The following TERB2 variants were observed in gnomAD, a reference collection of about 807,000 sequenced individuals.
TERB2 encodes telomere repeats-binding bouquet formation protein 2.
TERB2 carries 26 observed loss-of-function variants against 29.8 expected under a neutral mutation model. That is an observed-to-expected ratio of 0.87 (90% CI 0.64 to 1.21). The LOEUF (loss-of-function observed/expected upper bound fraction) is 1.21, where lower values mean the gene tolerates loss of function less well. Among genes scored for constraint, TERB2 ranks in the 50% most tolerant of loss-of-function variants. The pLI is 0.00. For missense variants in TERB2, 240 were observed against 268.6 expected (o/e 0.89, Z 0.74); for synonymous variants, 80 against 90.8 (o/e 0.88, Z 0.68).
At chr15:44,967,647 T>C (rs1891910281) in intron 5 of TERB2, among the ~76,000 whole-genome samples, 1 of 150,344 alleles carries the variant, frequency 6.7e-6, no homozygotes, top group Non-Finnish European at 1.5e-5. Context: ...CTGGTTTGAG[T>C]TCAAGCCTGA....
intron 4 of TERB2, among the ~76,000 whole-genome samples, chr15:44,965,887 T>C (rs1187244770): frequency 6.6e-6 from 1 of 151,752 alleles, no homozygotes; most frequent in Non-Finnish European, 1.5e-5. Context: ...TCAGTTAAAG[T>C]TTTACTTATC....
intron 2 of TERB2, among the ~76,000 whole-genome samples, chr15:44,957,538 T>C (rs775363308): frequency 1.3e-5 from 2 of 152,122 alleles, no homozygotes; most frequent in African/African-American, 4.8e-5. Flanking sequence ...CTCCAAAACT[T>C]TGAATAACTT....
At chr15:44,970,712 TC>T in intron 5 of TERB2, 1 of 171,776 alleles carries the variant, frequency 5.8e-6, no homozygotes. Flanking sequence ...CTTTTCCACC[TC>T]CCAGTTTGAT....
intron 4 of TERB2, among the ~76,000 whole-genome samples, chr15:44,963,645 G>A (rs1240910061): frequency 6.6e-6 from 1 of 151,552 alleles, no homozygotes; most frequent in Non-Finnish European, 1.5e-5. Flanking sequence ...TATATTTTTA[G>A]AAAACACATG....
chr15:44,972,517 CTTT>C (rs5812285), intron 5 of TERB2, among the ~76,000 whole-genome samples: 3 of 133,978 alleles, frequency 2.2e-5, no homozygotes, highest in Non-Finnish European at 1.6e-5. Flanking sequence ...ATCCTTTTAG[CTTT>C]TTTTTTTTTT....
intron 4 of TERB2, among the ~76,000 whole-genome samples, chr15:44,964,386 T>C (rs1455995749): frequency 6.6e-6 from 1 of 152,204 alleles, no homozygotes; most frequent in East Asian, 1.9e-4. Context: ...TACTAAGGAC[T>C]GAAATATCTA....
intron 6 of TERB2, among the ~76,000 whole-genome samples, chr15:44,976,381 T>C (rs1892047771): frequency 6.6e-6 from 1 of 152,176 alleles, no homozygotes; most frequent in African/African-American, 2.4e-5. Flanking sequence ...TGGCAGGTGT[T>C]GGGTCCTTGC....
intron 2 of TERB2, 84 bp from the exon 3 acceptor site, chr15:44,958,289 T>G: frequency 6.9e-7 from 1 of 1,452,248 alleles, no homozygotes; most frequent in Non-Finnish European, 9.2e-7. Context: ...TCTCCCTACT[T>G]CCAGTGATTT....
At chr15:44,970,064 C>G (rs1459049581) in intron 5 of TERB2, 1 of 152,010 alleles carries the variant, frequency 6.6e-6, no homozygotes, top group East Asian at 1.9e-4. Context: ...TTATGTTGAT[C>G]CAAGTAATGC....
At chr15:44,961,030 T>C (rs1394672620) in intron 3 of TERB2, among the ~76,000 whole-genome samples, 2 of 151,584 alleles carry the variant, frequency 1.3e-5, no homozygotes, top group Non-Finnish European at 2.9e-5. Context: ...ATATGCATTA[T>C]ATAGAGAGAT....
chr15:44,965,439 T>C (rs1891871111), intron 4 of TERB2, among the ~76,000 whole-genome samples: 1 of 143,782 alleles, frequency 7.0e-6, no homozygotes, highest in Admixed American at 7.2e-5. Flanking sequence ...TTTATAAATA[T>C]ATAAATATAT....
At chr15:44,960,322 A>T (rs1212732410) in intron 3 of TERB2, among the ~76,000 whole-genome samples, 2 of 152,140 alleles carry the variant, frequency 1.3e-5, no homozygotes, top group Non-Finnish European at 2.9e-5. Context: ...TGAATTTTAC[A>T]TTTTCTAGTA....
At chr15:44,958,317 G>T (rs11633942) in intron 2 of TERB2, 56 bp from the exon 3 acceptor site, 185,947 of 1,521,586 alleles carry the variant, frequency 0.12, 12,811 homozygotes, top group Non-Finnish European at 0.14. Flanking sequence ...CTTTTGAAAG[G>T]TTAAATACAT....
intron 4 of TERB2, among the ~76,000 whole-genome samples, chr15:44,965,701 A>C (rs1341166408): frequency 8.0e-5 from 12 of 150,082 alleles, no homozygotes; most frequent in Non-Finnish European, 1.6e-4. Context: ...TTGAAGGAGA[A>C]ATATAATTTG....
intron 5 of TERB2, among the ~76,000 whole-genome samples, chr15:44,972,988 T>G (rs1481363812): frequency 3.3e-5 from 5 of 151,114 alleles, no homozygotes; most frequent in Non-Finnish European, 7.4e-5. Flanking sequence ...GTTCAAGCAA[T>G]TCTCCTGCCT....
chr15:44,972,754 G>A (rs1159882410), intron 5 of TERB2, among the ~76,000 whole-genome samples: 2 of 152,006 alleles, frequency 1.3e-5, no homozygotes, highest in East Asian at 3.9e-4. Context: ...GACCTTAAGT[G>A]ATCCGCCCAC....
chr15:44,968,590 T>TTTC (rs1287198055), intron 5 of TERB2, among the ~76,000 whole-genome samples: 1 of 138,376 alleles, frequency 7.2e-6, no homozygotes, highest in African/African-American at 2.7e-5. Flanking sequence ...TAACCTTTTT[T>TTTC]TTTTTTTTTT....
intron 3 of TERB2, among the ~76,000 whole-genome samples, chr15:44,959,588 G>GAA (rs1891770744): frequency 5.3e-5 from 8 of 152,204 alleles, no homozygotes; most frequent in Admixed American, 4.6e-4. Flanking sequence ...GGCTGGTCTT[G>GAA]AATTCCTGAC....
intron 6 of TERB2, among the ~76,000 whole-genome samples, chr15:44,976,785 G>A (rs551596052): frequency 1.3e-5 from 2 of 152,184 alleles, no homozygotes; most frequent in South Asian, 2.1e-4. Context: ...TTAAACATGA[G>A]CTTGCTCCCC....
Sources: gnomAD v4.1 joint callset for allele counts (sites outside exome capture counted in the v4.1 genomes callset) on GRCh38, gnomAD v4.1.1 for gene constraint, MANE v1.5 for transcripts, NCBI Gene and HGNC (gene_info 2026-07-23, HGNC 2026-07-21) for gene names.